SFXN2: variants seen among roughly 807,000 people sequenced by gnomAD.
SFXN2 encodes sideroflexin-2.
A neutral mutation model predicts 41.9 loss-of-function variants in SFXN2; 37 were observed. That is an observed-to-expected ratio of 0.88 (90% CI 0.68 to 1.16). The LOEUF (loss-of-function observed/expected upper bound fraction) is 1.16, where lower values mean the gene tolerates loss of function less well. Among genes scored for constraint, SFXN2 ranks in the 50% most tolerant of loss-of-function variants. SFXN2 has a pLI of 0.00. For missense variants in SFXN2, 386 were observed against 425.2 expected (o/e 0.91, Z 0.81); for synonymous variants, 150 against 156.7 (o/e 0.96, Z 0.32).
intron 11 of SFXN2, among the ~76,000 whole-genome samples, chr10:102,736,122 A>G (rs548227094): frequency 6.6e-6 from 1 of 152,250 alleles, no homozygotes; most frequent in East Asian, 1.9e-4. Flanking sequence ...AGCCAGGGAC[A>G]GGAATAAGGT....
Position 102,734,152 on chromosome 10 carries a change from G to A in SFXN2, c.821+549G>A, listed in dbSNP as rs1051328398. On this transcript the variant is annotated intron_variant, in intron 10 of 11. Transcript: ENST00000369893. The surrounding 1 kb of genome is among the most constrained non-coding windows in gnomAD (Gnocchi z 4.1). ...CCCAAATTGCTGGGATTATAGGCAT[G>A]AGCCACTGCGCCTGGCTGTCTGGAG... Among the ~76,000 whole-genome samples, 1 of 152,168 alleles carries A rather than the reference G, an allele frequency of 6.6e-6. No individual in the cohort carries two copies. The highest frequency in any genetic ancestry group is 1.5e-5 in the Non-Finnish European group (1 of 68,022).
intron 4 of SFXN2, among the ~76,000 whole-genome samples, chr10:102,728,910 CA>C (rs1203883666): frequency 1.3e-5 from 2 of 151,560 alleles, no homozygotes; most frequent in Admixed American, 6.6e-5. Flanking sequence ...TCAAAACAAA[CA>C]AAAAAAACCA....
At chr10:102,724,637 G>A (rs1012376289) in intron 1 of SFXN2, among the ~76,000 whole-genome samples, 2 of 152,096 alleles carry the variant, frequency 1.3e-5, no homozygotes, top group Admixed American at 6.6e-5. Flanking sequence ...GGGAGGCAGA[G>A]GTTGAAGTGA....
At position 102,735,920 on chromosome 10, in the gene SFXN2, T is replaced by C. The variant is rs768891505; in HGVS notation, c.869+11T>C. On this transcript the variant is annotated intron_variant, in intron 11 of 11. Coordinates refer to ENST00000369893, the MANE Select transcript of SFXN2 (RefSeq NM_178858.6). ...TTTCCCACAGAAATGGTATCTGCTG[T>C]TCATTCCTTACTTGGTTTAATTGAC... 9 of 1,613,862 alleles carry C rather than the reference T, an allele frequency of 5.6e-6. No individual in the cohort carries two copies. Among genetic ancestry groups the C allele is most frequent in the Non-Finnish European group, 7.6e-6 (9 of 1,179,738 alleles).
intron 9 of SFXN2, 56 bp downstream of exon 9, chr10:102,732,964 G>C (rs2064725214): frequency 2.5e-6 from 4 of 1,582,700 alleles, no homozygotes; most frequent in Non-Finnish European, 2.6e-6. Context: ...AGCCACATCT[G>C]TCCCTAGGGA....
At chr10:102,730,977 A>G (rs368326920) in intron 6 of SFXN2, among the ~76,000 whole-genome samples, 10 of 152,104 alleles carry the variant, frequency 6.6e-5, no homozygotes, top group African/African-American at 2.4e-4. Context: ...AGTCCCGGCA[A>G]CTTGGGAGGC....
At chr10:102,736,003 C>A in intron 11 of SFXN2, 94 bp downstream of exon 11, 1 of 1,200,076 alleles carries the variant, frequency 8.3e-7, no homozygotes, top group Non-Finnish European at 1.2e-6. Context: ...AGGGAAGGGG[C>A]AGGAAGGGCA....
rs1333293653 is a variant in SFXN2, at chr10:102,726,670, G to A, written c.34G>A (p.Ala12Thr). The change falls in exon 2 of 12, where the codon GCC (alanine) becomes ACC (threonine). Residue 12 changes from alanine (A) to threonine (T), a missense_variant. Ala to Thr is a moderately conservative substitution (Grantham distance 58). Coordinates refer to ENST00000369893, the MANE Select transcript of SFXN2 (RefSeq NM_178858.6). ...TGACCTGTCTGGCTTTAACATCGATGCCCCCCGTTGGGACCAGCGCACCTT... is the reference window on the plus strand; with the variant it reads ...TGACCTGTCTGGCTTTAACATCGATACCCCCCGTTGGGACCAGCGCACCTT... ...EADLSGFNID[A>T]PRWDQRTFLG... 2.0e-5 allele frequency: 33 copies of A among 1,614,064 alleles called. No individual in the cohort carries two copies. In the Admixed American group the frequency reaches 5.5e-4, roughly 27 times the overall value.
intron 5 of SFXN2, 151 bp downstream of exon 5, chr10:102,729,545 C>T (rs1011057072): frequency 1.9e-5 from 21 of 1,107,970 alleles, no homozygotes; most frequent in African/African-American, 3.1e-5. Flanking sequence ...ACACCAGGGC[C>T]GTCCCCAGGT....
rs753042149 is a variant in SFXN2 at position 102,738,820 on chromosome 10, A to G, written c.*1058A>G. On this transcript the variant is annotated 3_prime_UTR_variant, in exon 12 of 12. Transcript: ENST00000369893. ...TCCACTAACTGTGAGTAAAAATGAT[A>G]TATATAGGCATTAACCACACACTTT... 6 of 152,640 alleles carry G rather than the reference A, an allele frequency of 3.9e-5. No individual in the cohort carries two copies. Among genetic ancestry groups the G allele is most frequent in the African/African-American group, 9.7e-5 (4 of 41,446 alleles). 9.5% of individuals were successfully genotyped at this position (152,640 alleles called of 1,614,324 possible).
In SFXN2 at chr10:102,715,681, C is replaced by T. The variant is rs1310400405; in HGVS notation, c.-26+1000C>T. Among the ~76,000 whole-genome samples, 5 of 152,262 alleles carry T rather than the reference C, an allele frequency of 3.3e-5. No homozygotes were observed. In the East Asian group the frequency reaches 7.7e-4, roughly 24 times the overall value. On this transcript the variant is annotated intron_variant, in intron 1 of 11. Coordinates refer to ENST00000369893, the MANE Select transcript of SFXN2 (RefSeq NM_178858.6). ...GTAATTGCGGCCAGGCGCAGTGGCT[C>T]ATGCCTATAATCCCAGCACTTTGAG...
At chr10:102,720,276 A>C (rs1174087163) in intron 1 of SFXN2, among the ~76,000 whole-genome samples, 1 of 125,876 alleles carries the variant, frequency 7.9e-6, no homozygotes, top group Non-Finnish European at 1.6e-5. Flanking sequence ...TGGGTGACAG[A>C]GCAAGACTCC....
chr10:102,726,926 G>T, intron 2 of SFXN2, 61 bp from the exon 3 acceptor site: 1 of 1,580,418 alleles, frequency 6.3e-7, no homozygotes, highest in Non-Finnish European at 8.6e-7. Flanking sequence ...AAGTGAGAGT[G>T]GGGAGACTGG....
chr10:102,742,460 C>CTT lies in SFXN2; in HGVS notation c.*4710_*4711dup, dbSNP rs11390629. On this transcript the variant is annotated 3_prime_UTR_variant, in exon 12 of 12. Coordinates refer to ENST00000369893, the MANE Select transcript of SFXN2 (RefSeq NM_178858.6). The stretch of plus-strand genomic sequence containing the variant: ...ACAGGCAGGAGCCACCGCACCTGGC[C>CTT]TTTTTTTTTTTTTGAGACAGGGTCT... 29,688 of 139,494 alleles carry CTT rather than the reference C, an allele frequency of 0.21. 3,161 individuals carry two copies. The highest frequency in any genetic ancestry group is 0.34 in the Middle Eastern group (85 of 252). The allele number at this position is 139,494 out of a possible 1,614,324, so 8.6% of individuals were successfully genotyped here.
At chr10:102,735,356 T>G (rs2064761223) in intron 10 of SFXN2, among the ~76,000 whole-genome samples, 2 of 149,434 alleles carry the variant, frequency 1.3e-5, no homozygotes, top group South Asian at 4.3e-4. Context: ...AAGTCATTCT[T>G]CCCTCTCCAA....
chr10:102,728,806 T>C (rs1225300732), intron 4 of SFXN2, among the ~76,000 whole-genome samples: 6 of 152,108 alleles, frequency 3.9e-5, no homozygotes, highest in African/African-American at 1.2e-4. Flanking sequence ...TGGGATACAT[T>C]GTTAAGACAT....
intron 11 of SFXN2, 115 bp from the exon 12 acceptor site, chr10:102,737,548 C>T (rs1355622024): frequency 5.7e-6 from 4 of 695,818 alleles, no homozygotes; most frequent in Non-Finnish European, 1.0e-5. Context: ...ATACAGAGGC[C>T]AATAATAATC....
Position 102,737,891 on chromosome 10 carries a change from C to A in SFXN2, c.*129C>A. ...GGCCAGGGTAGATTGGGGGGTGGGACAATGAATGCCTCATACTTACACCCT... is the reference window on the plus strand; with the variant it reads ...GGCCAGGGTAGATTGGGGGGTGGGAAAATGAATGCCTCATACTTACACCCT... On this transcript the variant is annotated 3_prime_UTR_variant, in exon 12 of 12. Coordinates refer to ENST00000369893, the MANE Select transcript of SFXN2 (RefSeq NM_178858.6). The A allele has an allele frequency of 3.3e-6, 2 of 600,648 alleles. No individual in the cohort carries two copies. The highest frequency in any genetic ancestry group is 5.9e-6 in the Non-Finnish European group (2 of 338,476). The allele number at this position is 600,648 out of a possible 1,614,324, so 37.2% of individuals were successfully genotyped here. A position where few individuals can be genotyped will look rare whatever the true frequency, so the allele number is the denominator to read the frequency against.
intron 1 of SFXN2, among the ~76,000 whole-genome samples, chr10:102,725,276 A>G (rs773971000): frequency 6.6e-6 from 1 of 152,188 alleles, no homozygotes; most frequent in Non-Finnish European, 1.5e-5. Context: ...AACCTTCACA[A>G]GAGCTTCTCA....
Sources: gnomAD v4.1 joint callset for allele counts (sites outside exome capture counted in the v4.1 genomes callset) on GRCh38, gnomAD v4.1.1 for gene constraint, Gnocchi (gnomAD v3.1) non-coding constraint, MANE v1.5 for transcripts, NCBI Gene and HGNC (gene_info 2026-07-23, HGNC 2026-07-21) for gene names.